Variants in CDH18 observed in about 807,000 individuals in gnomAD.
CDH18 encodes the protein cadherin-18.
Under a neutral mutation model 67.9 loss-of-function variants are expected in CDH18, and 31 were observed. That is an observed-to-expected ratio of 0.46 (90% CI 0.34 to 0.62). The LOEUF (loss-of-function observed/expected upper bound fraction) is 0.62. CDH18 is among the 20% of genes least tolerant of loss of function. The pLI is 0.01. For synonymous variants in CDH18, 362 were observed against 347.2 expected (o/e 1.04, Z -0.48); for missense variants, 890 against 975.5 (o/e 0.91, Z 1.17).
intron 2 of CDH18, among the ~76,000 whole-genome samples, chr5:20,189,778 G>A (rs1738395153): frequency 6.6e-6 from 1 of 152,074 alleles, no homozygotes; most frequent in Non-Finnish European, 1.5e-5. Context: ...TTCAGTCTTG[G>A]TTTCCTTTTT....
chr5:20,531,727 G>C (rs148450245), intron 1 of CDH18, among the ~76,000 whole-genome samples: 1 of 152,076 alleles, frequency 6.6e-6, no homozygotes, highest in Non-Finnish European at 1.5e-5. Flanking sequence ...AAGCAACAAT[G>C]GGGCCTGTTG....
At chr5:20,521,960 T>G (rs2126524122) in intron 1 of CDH18, among the ~76,000 whole-genome samples, 1 of 152,314 alleles carries the variant, frequency 6.6e-6, no homozygotes, top group South Asian at 2.1e-4. Flanking sequence ...TAGGATGTAT[T>G]ATGGGGTACC....
At chr5:19,504,386 C>T (rs1743751013) in intron 10 of CDH18, among the ~76,000 whole-genome samples, 2 of 151,966 alleles carry the variant, frequency 1.3e-5, no homozygotes, top group Non-Finnish European at 2.9e-5. Context: ...TTCTTGATTT[C>T]CCTCCATATT....
intron 2 of CDH18, among the ~76,000 whole-genome samples, chr5:20,145,678 TC>T (rs1750586030): frequency 6.6e-6 from 1 of 152,154 alleles, no homozygotes; most frequent in Non-Finnish European, 1.5e-5. Flanking sequence ...ACCATCATAA[TC>T]TGTAATTTAC....
chr5:20,162,637 T>A (rs2126616581), intron 2 of CDH18, among the ~76,000 whole-genome samples: 1 of 151,162 alleles, frequency 6.6e-6, no homozygotes, highest in Non-Finnish European at 1.5e-5. Flanking sequence ...TACAAACAAA[T>A]CTCATGTCTT....
intron 1 of CDH18, among the ~76,000 whole-genome samples, chr5:20,511,231 C>A (rs547516512): frequency 6.6e-6 from 1 of 152,086 alleles, no homozygotes; most frequent in Non-Finnish European, 1.5e-5. Context: ...TATATTACAA[C>A]GAAGTGTCAG....
intron 5 of CDH18, among the ~76,000 whole-genome samples, chr5:19,681,544 A>T (rs1760330216): frequency 6.6e-6 from 1 of 152,018 alleles, no homozygotes; most frequent in South Asian, 2.1e-4. Flanking sequence ...TTCCAACATT[A>T]TGACATCTTT....
At chr5:20,509,516 T>C (rs1054873963) in intron 1 of CDH18, among the ~76,000 whole-genome samples, 2 of 123,330 alleles carry the variant, frequency 1.6e-5, no homozygotes, top group South Asian at 5.5e-4. Context: ...TGAGGCAAGA[T>C]TCTCCTGCCT....
chr5:20,007,526 A>T (rs1332920079), intron 2 of CDH18, among the ~76,000 whole-genome samples: 1 of 152,156 alleles, frequency 6.6e-6, no homozygotes, highest in African/African-American at 2.4e-5. Context: ...TACGAAAGGA[A>T]TTTTTAAGCA....
At chr5:20,401,717 T>A (rs1451190825) in intron 1 of CDH18, among the ~76,000 whole-genome samples, 2 of 152,188 alleles carry the variant, frequency 1.3e-5, no homozygotes, top group Non-Finnish European at 2.9e-5. Flanking sequence ...AAAATCTCCA[T>A]ATTACTTTCT....
chr5:19,498,539 C>G (rs548210570), intron 11 of CDH18, among the ~76,000 whole-genome samples: 25 of 152,104 alleles, frequency 1.6e-4, no homozygotes, highest in Non-Finnish European at 3.1e-4. Context: ...CCAAAATATT[C>G]CTTTAGAAAT....
intron 5 of CDH18, among the ~76,000 whole-genome samples, chr5:19,697,633 AG>A (rs1391922307): frequency 1.3e-5 from 2 of 152,226 alleles, no homozygotes; most frequent in Non-Finnish European, 2.9e-5. Context: ...TCCTGATAAA[AG>A]GCTCTAGACT....
intron 3 of CDH18, among the ~76,000 whole-genome samples, chr5:19,786,512 T>G (rs1046220451): frequency 2.0e-5 from 3 of 152,160 alleles, no homozygotes; most frequent in Admixed American, 6.6e-5. Context: ...ATAAATCAGC[T>G]CTACAAGATA....
intron 1 of CDH18, among the ~76,000 whole-genome samples, chr5:20,310,082 T>C (rs745399411): frequency 3.9e-5 from 6 of 152,148 alleles, no homozygotes; most frequent in South Asian, 2.1e-4. Flanking sequence ...TGAATTGTGA[T>C]GCTGTTAGTT....
intron 5 of CDH18, among the ~76,000 whole-genome samples, chr5:19,646,855 G>C (rs577694001): frequency 6.6e-6 from 1 of 152,222 alleles, no homozygotes; most frequent in South Asian, 2.1e-4. Flanking sequence ...ACATGCAATG[G>C]TCAAAGATAG....
At chr5:19,576,777 T>C (rs62349545) in intron 7 of CDH18, among the ~76,000 whole-genome samples, 8,772 of 152,216 alleles carry the variant, frequency 0.058, 289 homozygotes, top group Non-Finnish European at 0.074. Flanking sequence ...CCCAAAGACA[T>C]GGCTGCACCC....
chr5:20,382,702 T>C (rs1330543480), intron 1 of CDH18, among the ~76,000 whole-genome samples: 1 of 152,154 alleles, frequency 6.6e-6, no homozygotes, highest in Non-Finnish European at 1.5e-5. Flanking sequence ...GTGATGTCCC[T>C]GAATATTACA....
Position 19,544,291 on chromosome 5 carries a change from C to A in CDH18, c.1254-286G>T, listed in dbSNP as rs544281882. ...GAAACAGCGATTAATAGTGGAGAGA[C>A]CAAAAGAACTCACCTCTTGGAAGCC... is the stretch of plus-strand genomic sequence containing the variant. On this transcript the variant is annotated intron_variant, in intron 8 of 12. Transcript: ENST00000382275. Among the ~76,000 whole-genome samples, 273 of 151,670 alleles carry A rather than the reference C, an allele frequency of 1.8e-3. 1 individual carries two copies. The highest frequency in any genetic ancestry group is 3.6e-3 in the Non-Finnish European group (243 of 67,870).
chr5:20,485,751 C>T (rs1379573036), intron 1 of CDH18, among the ~76,000 whole-genome samples: 1 of 151,954 alleles, frequency 6.6e-6, no homozygotes, highest in African/African-American at 2.4e-5. Context: ...ATGCTTTCAG[C>T]GAGTAACCTG....
Sources: gnomAD v4.1 joint callset for allele counts (sites outside exome capture counted in the v4.1 genomes callset) on GRCh38, gnomAD v4.1.1 for gene constraint, MANE v1.5 for transcripts, NCBI Gene and HGNC (gene_info 2026-07-23, HGNC 2026-07-21) for gene names.